FYN: variants seen among roughly 807,000 people sequenced by gnomAD.
FYN encodes the protein FYN proto-oncogene, Src family tyrosine kinase.
A neutral mutation model predicts 70.2 loss-of-function variants in FYN; 10 were observed. The observed-to-expected ratio is 0.14, with a 90% CI of 0.09 to 0.24. The LOEUF (loss-of-function observed/expected upper bound fraction) is 0.24, where lower values mean the gene tolerates loss of function less well. FYN is among the 10% of genes least tolerant of loss of function. The probability of loss-of-function intolerance (pLI) is 1.00; values close to 1 mark genes in which losing one functional copy is unlikely to be tolerated. For synonymous variants in FYN, 236 were observed against 248.6 expected, an observed-to-expected ratio of 0.95 and a Z score of 0.48; for missense variants, 319 against 673.1, an observed-to-expected ratio of 0.47 and a Z score of 5.82.
intron 2 of FYN, among the ~76,000 whole-genome samples, chr6:111,786,738 C>T (rs937681433): frequency 2.6e-5 from 4 of 152,168 alleles, no homozygotes; most frequent in Non-Finnish European, 4.4e-5. Context: ...TCTTTCCTGA[C>T]TTTTTAATGA....
chr6:111,819,515 C>T (rs1168641070), intron 2 of FYN, among the ~76,000 whole-genome samples: 1 of 152,066 alleles, frequency 6.6e-6, no homozygotes, highest in Non-Finnish European at 1.5e-5. Flanking sequence ...CCTCTCTGAA[C>T]CTGTCTTTAA....
chr6:111,860,786 T>G (rs1189984389), intron 1 of FYN, among the ~76,000 whole-genome samples: 1 of 152,192 alleles, frequency 6.6e-6, no homozygotes, highest in Admixed American at 6.5e-5. Flanking sequence ...CTCACTAGTC[T>G]TCACTGAGTA....
chr6:111,805,663 T>C (rs192809274), intron 2 of FYN, among the ~76,000 whole-genome samples: 13 of 152,260 alleles, frequency 8.5e-5, no homozygotes, highest in African/African-American at 3.1e-4. Context: ...CTGAATTGTC[T>C]ACTGACCACC....
At chr6:111,851,243 G>A (rs1252079354) in intron 1 of FYN, among the ~76,000 whole-genome samples, 1 of 152,210 alleles carries the variant, frequency 6.6e-6, no homozygotes, top group African/African-American at 2.4e-5. Context: ...CCAGTGCTAT[G>A]TGTACTTTGT....
chr6:111,853,428 T>C (rs1413669204), intron 1 of FYN, among the ~76,000 whole-genome samples: 1 of 151,936 alleles, frequency 6.6e-6, no homozygotes. Flanking sequence ...GCAACTCTCA[T>C]GTCCCCTTCT....
chr6:111,837,523 C>A (rs1403025204), intron 2 of FYN, among the ~76,000 whole-genome samples: 1 of 152,124 alleles, frequency 6.6e-6, no homozygotes, highest in African/African-American at 2.4e-5. Flanking sequence ...GTGTATGAAT[C>A]CACTCGACGT....
At chr6:111,716,665 T>A (rs1800656895) in intron 4 of FYN, among the ~76,000 whole-genome samples, 2 of 151,754 alleles carry the variant, frequency 1.3e-5, no homozygotes, top group South Asian at 4.2e-4. Context: ...AAAAAAAAAA[T>A]TAGTTAAACA....
At chr6:111,692,166 A>G (rs1297975188) in intron 12 of FYN, among the ~76,000 whole-genome samples, 1 of 142,800 alleles carries the variant, frequency 7.0e-6, no homozygotes, top group Non-Finnish European at 1.5e-5. Flanking sequence ...AGTGTTTGGC[A>G]TGGATTTGAA....
chr6:111,866,212 T>C (rs751936057), intron 1 of FYN, among the ~76,000 whole-genome samples: 2 of 152,130 alleles, frequency 1.3e-5, no homozygotes, highest in African/African-American at 2.4e-5. Context: ...ACAGCAACCC[T>C]CTGAGGCAGG....
chr6:111,696,522 A>G, intron 9 of FYN, 66 bp from the exon 10 acceptor site: 1 of 1,307,194 alleles, frequency 7.6e-7, no homozygotes. Flanking sequence ...GGTTTTGACC[A>G]CCAGCTATTT....
intron 2 of FYN, among the ~76,000 whole-genome samples, chr6:111,813,284 C>A: frequency 6.6e-6 from 1 of 152,132 alleles, no homozygotes; most frequent in African/African-American, 2.4e-5. Context: ...TTACCAAGGC[C>A]TACCACAGCA....
intron 2 of FYN, among the ~76,000 whole-genome samples, chr6:111,791,667 G>A (rs1225649240): frequency 6.6e-6 from 1 of 152,180 alleles, no homozygotes; most frequent in Non-Finnish European, 1.5e-5. Context: ...AATAGGCAAG[G>A]AAGGACTCTT....
intron 9 of FYN, among the ~76,000 whole-genome samples, chr6:111,698,839 C>T (rs185284638): frequency 1.3e-5 from 2 of 152,204 alleles, no homozygotes; most frequent in East Asian, 1.9e-4. Context: ...AATCCCAGCA[C>T]TTTGGGAGGA....
intron 9 of FYN, among the ~76,000 whole-genome samples, chr6:111,698,549 A>G (rs1260683847): frequency 6.6e-6 from 1 of 152,222 alleles, no homozygotes; most frequent in African/African-American, 2.4e-5. Flanking sequence ...AGAGGATTCC[A>G]TAAGTATTAA....
intron 4 of FYN, 142 bp downstream of exon 4, chr6:111,719,663 C>A: frequency 3.2e-6 from 3 of 948,984 alleles, no homozygotes; most frequent in Non-Finnish European, 4.6e-6. Flanking sequence ...CTTACAACCC[C>A]TCATCTAGTA....
chr6:111,703,956 C>T (rs1363405088), intron 7 of FYN, 43 bp downstream of exon 7: 1 of 1,470,242 alleles, frequency 6.8e-7, no homozygotes, highest in African/African-American at 1.4e-5. Context: ...GACTAATCCA[C>T]AGATTTGAAT....
intron 2 of FYN, among the ~76,000 whole-genome samples, chr6:111,807,254 C>A (rs1562528574): frequency 6.6e-6 from 1 of 152,156 alleles, no homozygotes; most frequent in Non-Finnish European, 1.5e-5. Context: ...TGTTTCTCAG[C>A]AGACGATGGT....
Position 111,873,385 on chromosome 6 carries a change from T to C in FYN, c.-540A>G, listed in dbSNP as rs1774346259. 6.6e-6 allele frequency: 1 copy of C among 150,994 alleles called. No individual in the cohort carries two copies. Among genetic ancestry groups the C allele is most frequent in the Non-Finnish European group, 1.5e-5 (1 of 67,694 alleles). The allele number at this position is 150,994 out of a possible 1,614,324, so 9.4% of individuals were successfully genotyped here. On this transcript the variant is annotated 5_prime_UTR_variant, in exon 1 of 14. Coordinates refer to ENST00000354650, the MANE Select transcript of FYN (RefSeq NM_002037.5). The stretch of plus-strand genomic sequence containing the variant: ...CCTCGCCGGCTCCGCTCCTGACAGA[T>C]GGCGCAACTGCAACGACGCGCCGCC...
intron 4 of FYN, among the ~76,000 whole-genome samples, chr6:111,716,800 T>C (rs706890): frequency 0.13 from 19,288 of 150,652 alleles, 2,413 homozygotes; most frequent in African/African-American, 0.33. Context: ...TTTTTTTTTT[T>C]TGAGATGGAG....
Sources: gnomAD v4.1 joint callset for allele counts (sites outside exome capture counted in the v4.1 genomes callset) on GRCh38, gnomAD v4.1.1 for gene constraint, MANE v1.5 for transcripts, NCBI Gene and HGNC (gene_info 2026-07-23, HGNC 2026-07-21) for gene names.